Variants in MYBPC3 observed in about 807,000 individuals in gnomAD.
MYBPC3 encodes the protein myosin-binding protein C, cardiac-type.
MYBPC3 carries 108 observed loss-of-function variants against 159.3 expected under a neutral mutation model. The ratio of observed to expected loss-of-function variants is 0.68; its 90% CI spans 0.58 to 0.80. MYBPC3 has a LOEUF of 0.80. MYBPC3 is among the 30% of genes least tolerant of loss of function. The pLI is 0.00. For synonymous variants in MYBPC3, 730 were observed against 702.0 expected (o/e 1.04, Z -0.63); for missense variants, 1,631 against 1,762.1 (o/e 0.93, Z 1.33).
In MYBPC3 at chr11:47,333,235, G is replaced by A; in HGVS notation, c.3289C>T (p.Leu1097Phe). ...GCTTTCTGCACTGTGTACCCCCAGA[G>A]CTCCGTGTTGCCGACATCCTGGGGT... Reference protein sequence around the residue: ...KPPQDVGNTELWGYTVQKADK... With the variant: ...KPPQDVGNTEFWGYTVQKADK... The change falls in exon 30 of 35, where the codon CTC becomes TTC. Residue 1097 changes from leucine to phenylalanine, a missense_variant. Leu to Phe is a conservative substitution (Grantham distance 22). Transcript: ENST00000545968. The A allele has an allele frequency of 6.3e-7, 1 of 1,591,804 alleles. No homozygotes were observed. The highest frequency in any genetic ancestry group is 8.6e-7 in the Non-Finnish European group (1 of 1,168,670).
Position 47,347,027 on chromosome 11 carries a change from T to C in MYBPC3, c.908A>G (p.Asp303Gly). 1 of 797,860 alleles carries C rather than the reference T, an allele frequency of 1.3e-6. No individual in the cohort carries two copies. The highest frequency in any genetic ancestry group is 1.3e-5 in the South Asian group (1 of 75,128). The allele number at this position is 797,860 out of a possible 1,614,324, so 49.4% of individuals were successfully genotyped here. A position where few individuals can be genotyped will look rare whatever the true frequency, so the allele number is the denominator to read the frequency against. ...LDFSSLLKKR[D>G]SFRTPRDSKL... ...CAAACACCCAGACCCCGATTCTTAC[T>C]CTCTGGGCCACAGCAGCAGCAGCCA... Residue 303 changes from aspartate to glycine, a missense_variant and splice_region_variant, in exon 10 of 35, where the codon GAC becomes GGC. By Grantham distance (94) the Asp-to-Gly change is moderately conservative (BLOSUM62 -1). Transcript: ENST00000545968.
Position 47,351,207 on chromosome 11 carries a change from C to A in MYBPC3, c.292+32G>T. Reference sequence around the variant, plus strand: ...CTGGGCTGCCCCTCCCCCAGCAGCCCAAACCTCAGGGAAGGCTGATCAGGA... The same window carrying A: ...CTGGGCTGCCCCTCCCCCAGCAGCCAAAACCTCAGGGAAGGCTGATCAGGA... On this transcript the variant is annotated intron_variant, in intron 2 of 34. Coordinates refer to ENST00000545968, the MANE Select transcript of MYBPC3 (RefSeq NM_000256.3). The surrounding 1 kb of genome is among the most constrained non-coding windows in gnomAD (Gnocchi z 4.2). 1 of 1,484,198 alleles carries A rather than the reference C, an allele frequency of 6.7e-7. No homozygotes were observed. Among genetic ancestry groups the A allele is most frequent in the South Asian group, 1.3e-5 (1 of 74,604 alleles). The allele number at this position is 1,484,198 out of a possible 1,614,324, so 91.9% of individuals were successfully genotyped here. A position where few individuals can be genotyped will look rare whatever the true frequency, so the allele number is the denominator to read the frequency against.
chr11:47,335,277 A>T, intron 26 of MYBPC3, 68 bp from the exon 27 acceptor site: 1 of 1,245,960 alleles, frequency 8.0e-7, no homozygotes, highest in Non-Finnish European at 1.1e-6. Context: ...CCCACTGCCC[A>T]CTCCTCTGAT....
chr11:47,331,572 C>T lies in MYBPC3; in HGVS notation c.*171G>A. ...GCCCTGTGGACCAGTCTGTGCAACA[C>T]CCACTCAGGACTGCCCGACAACTGC... On this transcript the variant is annotated 3_prime_UTR_variant, in exon 35 of 35. Transcript: ENST00000545968. 3 of 437,886 alleles carry T rather than the reference C, an allele frequency of 6.9e-6. No homozygotes were observed. The highest frequency in any genetic ancestry group is 1.2e-5 in the Non-Finnish European group (3 of 241,220). The allele number at this position is 437,886 out of a possible 1,614,324, so 27.1% of individuals were successfully genotyped here. A position where few individuals can be genotyped will look rare whatever the true frequency, so the allele number is the denominator to read the frequency against.
intron 7 of MYBPC3, 74 bp downstream of exon 7, chr11:47,347,783 A>T: frequency 6.5e-7 from 1 of 1,546,032 alleles, no homozygotes; most frequent in Non-Finnish European, 8.7e-7. Flanking sequence ...CCCAGCCCTG[A>T]CCCCCAGTCG....
At position 47,351,390 on chromosome 11, in the gene MYBPC3, A is replaced by AG. The variant is rs1565631849; in HGVS notation, c.140_141insC (p.Asp48Ter). On this transcript the variant is annotated frameshift_variant, in exon 2 of 35. Transcript: ENST00000545968. LOFTEE classifies it high-confidence loss of function. The surrounding 1 kb of genome is among the most constrained non-coding windows in gnomAD (Gnocchi z 4.2). ...CGTACTTGTTGCTGGCGCTGATGTC[A>AG]CTGCCTCCGCGCTGCCAGCGCACCT... 2 of 1,609,656 alleles carry AG rather than the reference A, an allele frequency of 1.2e-6. No homozygotes were observed. The highest frequency in any genetic ancestry group is 2.2e-5 in the South Asian group (2 of 90,380).
chr11:47,346,182 C>A lies in MYBPC3; in HGVS notation c.1090+25G>T. On this transcript the variant is annotated intron_variant, in intron 12 of 34. Transcript: ENST00000545968. The surrounding 1 kb of genome is among the most constrained non-coding windows in gnomAD (Gnocchi z 5.3). ...GGGAAGGGCTAGCCTGTGCCCTCTCCTCTCCCCTCTGAGGAAGGGCTAACC... is the reference window on the plus strand; with the variant it reads ...GGGAAGGGCTAGCCTGTGCCCTCTCATCTCCCCTCTGAGGAAGGGCTAACC... 6.2e-7 allele frequency: 1 copy of A among 1,613,098 alleles called. No homozygotes were observed. The highest frequency in any genetic ancestry group is 1.3e-5 in the African/African-American group (1 of 75,002).
Position 47,331,620 on chromosome 11 carries a change from A to G in MYBPC3, c.*123T>C. On this transcript the variant is annotated 3_prime_UTR_variant, in exon 35 of 35. Transcript: ENST00000545968. ...TGCCCTGCTGATCCCCCATCGCAGC[A>G]CAGGAGACACACTTGTCACACATAC... The G allele has an allele frequency of 1.8e-6, 1 of 547,218 alleles. No homozygotes were observed. The highest frequency in any genetic ancestry group is 3.3e-6 in the Non-Finnish European group (1 of 306,598). The allele number at this position is 547,218 out of a possible 1,614,324, so 33.9% of individuals were successfully genotyped here. A position where few individuals can be genotyped will look rare whatever the true frequency, so the allele number is the denominator to read the frequency against.
chr11:47,340,319 A>C (rs1307909510), intron 20 of MYBPC3, among the ~76,000 whole-genome samples: 1 of 152,200 alleles, frequency 6.6e-6, no homozygotes, highest in Non-Finnish European at 1.5e-5. Flanking sequence ...ACACATGCAC[A>C]CATTAAAAAG....
At chr11:47,339,843 G>C (rs2095886613) in intron 20 of MYBPC3, 53 bp from the exon 21 acceptor site, 4 of 1,590,342 alleles carry the variant, frequency 2.5e-6, no homozygotes, top group Middle Eastern at 1.7e-4. Context: ...GAGGAGCACA[G>C]GTCACTGGGG....
In MYBPC3 at chr11:47,346,710, A is replaced by G; in HGVS notation, c.909-66T>C. 1 of 1,494,258 alleles carries G rather than the reference A, an allele frequency of 6.7e-7. No individual in the cohort carries two copies. Among genetic ancestry groups the G allele is most frequent in the Non-Finnish European group, 9.0e-7 (1 of 1,106,090 alleles). The allele number at this position is 1,494,258 out of a possible 1,614,324, so 92.6% of individuals were successfully genotyped here. A position where few individuals can be genotyped will look rare whatever the true frequency, so the allele number is the denominator to read the frequency against. On this transcript the variant is annotated intron_variant, in intron 10 of 34. Transcript: ENST00000545968. This position sits in a 1 kb window ranked among gnomAD's most constrained non-coding sequence, Gnocchi z 5.3. ...ATGAGAGGTATGGCCACCTTCCCTC[A>G]AAGACCTGGACCCCACCCATGGGCC...
intron 5 of MYBPC3, 62 bp from the exon 6 acceptor site, chr11:47,348,603 C>T: frequency 1.5e-6 from 2 of 1,344,844 alleles, no homozygotes; most frequent in Non-Finnish European, 2.1e-6. Context: ...AGGCTCCGCA[C>T]CCTTAAAGGA....
Position 47,337,482 on chromosome 11 carries a change from G to C in MYBPC3, c.2511C>G (p.Ile837Met). ...QELSHEARRM[I>M]EGVVYEMRVY... ...CGCGCATCTCGTACACCACGCCCTC[G>C]ATCATGCGCCGCGCTTCATGACTCA... is the stretch of plus-strand genomic sequence containing the variant. The change falls in exon 25 of 35, where the codon ATC (isoleucine) becomes ATG (methionine). Residue 837 changes from isoleucine to methionine, a missense_variant. Transcript: ENST00000545968. 1 of 1,613,938 alleles carries C rather than the reference G, an allele frequency of 6.2e-7. No individual in the cohort carries two copies. The highest frequency in any genetic ancestry group is 8.5e-7 in the Non-Finnish European group (1 of 1,179,886).
chr11:47,341,019 G>A lies in MYBPC3; in HGVS notation c.1911C>T (p.Asp637=). 6.4e-7 allele frequency: 1 copy of A among 1,572,150 alleles called. No homozygotes were observed. The highest frequency in any genetic ancestry group is 8.6e-7 in the Non-Finnish European group (1 of 1,159,420). Residue 637 remains aspartate (D), a synonymous_variant, in exon 20 of 35, where the codon GAC becomes GAT. Transcript: ENST00000545968. Reference sequence around the variant, plus strand: ...AAGACTTACCCTGCCTGGGTACGAAGTCAATCTTGACCTCTGCAAGAGAAG... The same window carrying A: ...AAGACTTACCCTGCCTGGGTACGAAATCAATCTTGACCTCTGCAAGAGAAG... ...AKLHFMEVKI[D]FVPRQEPPKI... is the part of the protein sequence containing the mutation.
rs2095875062 is a variant in MYBPC3 at position 47,331,647 on chromosome 11, T to C, written c.*96A>G. On this transcript the variant is annotated 3_prime_UTR_variant, in exon 35 of 35. Transcript: ENST00000545968. ...AGGAGACACACTTGTCACACATACA[T>C]CCAACAGTAGGGAGGGGTTTCCCCA... is the stretch of plus-strand genomic sequence containing the variant. The C allele has an allele frequency of 5.1e-6, 3 of 592,422 alleles. No individual in the cohort carries two copies. Among genetic ancestry groups the C allele is most frequent in the Non-Finnish European group, 8.9e-6 (3 of 337,196 alleles). 36.7% of individuals were successfully genotyped at this position (592,422 alleles called of 1,614,324 possible).
Position 47,332,041 on chromosome 11 carries a change from C to T in MYBPC3, c.3814+31G>A, listed in dbSNP as rs1437801935. On this transcript the variant is annotated intron_variant, in intron 33 of 34. Coordinates refer to ENST00000545968, the MANE Select transcript of MYBPC3 (RefSeq NM_000256.3). The surrounding 1 kb of genome is among the most constrained non-coding windows in gnomAD (Gnocchi z 4.2). The stretch of plus-strand genomic sequence containing the variant: ...CCCCACTGCCGCCCGCTCTTCCCAT[C>T]TCCCAGGCCCTGGCCCCGAGGGCTC... The T allele has an allele frequency of 6.2e-7, 1 of 1,603,356 alleles. No individual in the cohort carries two copies. The highest frequency in any genetic ancestry group is 1.3e-5 in the African/African-American group (1 of 74,846).
At chr11:47,347,760 C>T in intron 7 of MYBPC3, 80 bp from the exon 8 acceptor site, 1 of 1,546,898 alleles carries the variant, frequency 6.5e-7, no homozygotes, top group South Asian at 1.2e-5. Context: ...TCAGCTCCGC[C>T]CCGCAAATCA....
At chr11:47,350,341 G>A (rs1400355764) in intron 3 of MYBPC3, among the ~76,000 whole-genome samples, 161 bp downstream of exon 3, 2 of 152,166 alleles carry the variant, frequency 1.3e-5, no homozygotes. Flanking sequence ...TAGCCAGGAT[G>A]GTCTCAATCT....
chr11:47,338,407 C>A lies in MYBPC3; in HGVS notation c.2308+113G>T. ...CAGAAAAACCTGTCCTGTTGCCGCT[C>A]GGCTCAGGGAGCATGCCCGTGATGT... is the stretch of plus-strand genomic sequence containing the variant. On this transcript the variant is annotated intron_variant, in intron 23 of 34. Transcript: ENST00000545968. The surrounding 1 kb of genome is among the most constrained non-coding windows in gnomAD (Gnocchi z 4.7). 1 of 1,471,104 alleles carries A rather than the reference C, an allele frequency of 6.8e-7. No homozygotes were observed. Among genetic ancestry groups the A allele is most frequent in the Non-Finnish European group, 9.2e-7 (1 of 1,085,280 alleles). 91.1% of individuals were successfully genotyped at this position (1,471,104 alleles called of 1,614,324 possible).
Sources: allele counts gnomAD v4.1 joint callset (sites outside exome capture counted in the v4.1 genomes callset), GRCh38; gene constraint gnomAD v4.1.1; non-coding constraint Gnocchi (gnomAD v3.1); transcripts MANE v1.5; gene names NCBI Gene and HGNC (gene_info 2026-07-23, HGNC 2026-07-21).